Variants in RASGRF2 observed in about 807,000 individuals in gnomAD.
RASGRF2 encodes Ras protein specific guanine nucleotide releasing factor 2.
RASGRF2 carries 76 observed loss-of-function variants against 151.0 expected under a neutral mutation model. The observed-to-expected ratio is 0.50, with a 90% CI of 0.42 to 0.61. The LOEUF (loss-of-function observed/expected upper bound fraction) is 0.61, where lower values mean the gene tolerates loss of function less well. Ranked by LOEUF, RASGRF2 falls within the 20% of genes least tolerant of loss-of-function variation. The pLI, the probability that RASGRF2 is intolerant of heterozygous loss-of-function variation, is 0.00. For synonymous variants in RASGRF2, 504 were observed against 566.5 expected, an observed-to-expected ratio of 0.89 and a Z score of 1.57; for missense variants, 1,148 against 1,564.6, an observed-to-expected ratio of 0.73 and a Z score of 4.49.
At chr5:81,012,569 G>C (rs1362342662) in intron 1 of RASGRF2, among the ~76,000 whole-genome samples, 1 of 152,108 alleles carries the variant, frequency 6.6e-6, no homozygotes, top group African/African-American at 2.4e-5. Flanking sequence ...CAGCTGTAGA[G>C]AGCTACCTTG....
chr5:81,053,692 A>G (rs1261006762), intron 2 of RASGRF2, among the ~76,000 whole-genome samples: 1 of 152,186 alleles, frequency 6.6e-6, no homozygotes, highest in East Asian at 1.9e-4. Context: ...ATCCCTGAGG[A>G]ATCGCCACAC....
At chr5:81,218,380 T>C (rs1755789855) in intron 25 of RASGRF2, among the ~76,000 whole-genome samples, 1 of 152,224 alleles carries the variant, frequency 6.6e-6, no homozygotes, top group South Asian at 2.1e-4. Context: ...TTGTATAAGG[T>C]GAGAGGTGAG....
At chr5:81,108,053 T>G (rs1192708917) in intron 12 of RASGRF2, among the ~76,000 whole-genome samples, 1 of 152,252 alleles carries the variant, frequency 6.6e-6, no homozygotes, top group African/African-American at 2.4e-5. Context: ...ATTAGAACAT[T>G]GGTGTTTAGG....
chr5:80,970,025 A>T (rs1747880462), intron 1 of RASGRF2, among the ~76,000 whole-genome samples: 2 of 150,786 alleles, frequency 1.3e-5, no homozygotes, highest in South Asian at 4.2e-4. Flanking sequence ...GGATTTCTCC[A>T]TGTTGGTCAG....
At chr5:81,146,517 T>C (rs183399875) in intron 17 of RASGRF2, among the ~76,000 whole-genome samples, 18 of 150,614 alleles carry the variant, frequency 1.2e-4, no homozygotes, top group African/African-American at 4.4e-4. Flanking sequence ...AAATTCCTCA[T>C]TGGTAGGAAA....
At chr5:81,110,580 T>C (rs1752966434) in intron 13 of RASGRF2, among the ~76,000 whole-genome samples, 1 of 152,194 alleles carries the variant, frequency 6.6e-6, no homozygotes, top group African/African-American at 2.4e-5. Flanking sequence ...AAACTACAAA[T>C]AGAATGTGAA....
intron 1 of RASGRF2, among the ~76,000 whole-genome samples, chr5:80,990,014 C>A (rs1245547227): frequency 6.6e-6 from 1 of 152,106 alleles, no homozygotes; most frequent in South Asian, 2.1e-4. Flanking sequence ...TTCTCCCCAC[C>A]ACCTACCTTA....
chr5:80,996,505 C>CTTCTTCTTCCTCCTCT (rs56082157), intron 1 of RASGRF2, among the ~76,000 whole-genome samples: 2 of 47,764 alleles, frequency 4.2e-5, no homozygotes, highest in African/African-American at 2.0e-4. Flanking sequence ...CTTCTTCTTC[C>CTTCTTCTTCCTCCTCT]TCCTCCTCCT....
intron 18 of RASGRF2, among the ~76,000 whole-genome samples, chr5:81,191,403 A>C (rs1272964913): frequency 2.0e-5 from 3 of 152,116 alleles, no homozygotes; most frequent in Non-Finnish European, 1.5e-5. Flanking sequence ...TGCACCCACC[A>C]GCTTTCTTTG....
At chr5:81,084,273 A>G (rs1752165577) in intron 7 of RASGRF2, among the ~76,000 whole-genome samples, 1 of 152,188 alleles carries the variant, frequency 6.6e-6, no homozygotes, top group African/African-American at 2.4e-5. Flanking sequence ...TACATTAGCT[A>G]TTGATTGCCT....
In RASGRF2 at chr5:81,126,252, G is replaced by A. The variant is rs553798755; in HGVS notation, c.2597-822G>A. Among the ~76,000 whole-genome samples, 38 of 152,278 alleles carry A rather than the reference G, an allele frequency of 2.5e-4. 1 individual carries two copies. Among genetic ancestry groups the A allele is most frequent in the South Asian group, 2.1e-4 (1 of 4,830 alleles). Reference sequence around the variant, plus strand: ...GCAAGGTTGCTCAATACATCCTTTCGATTTTAAAAGGGCCACACTTAAACC... The same window carrying A: ...GCAAGGTTGCTCAATACATCCTTTCAATTTTAAAAGGGCCACACTTAAACC... On this transcript the variant is annotated intron_variant, in intron 16 of 26. Coordinates refer to ENST00000265080, the MANE Select transcript of RASGRF2 (RefSeq NM_006909.3).
At chr5:80,981,680 C>T (rs2112239872) in intron 1 of RASGRF2, among the ~76,000 whole-genome samples, 1 of 152,224 alleles carries the variant, frequency 6.6e-6, no homozygotes, top group Non-Finnish European at 1.5e-5. Context: ...ATTCTCATGC[C>T]TCAGCCCCCT....
chr5:81,210,729 G>C (rs1457698084), intron 22 of RASGRF2, among the ~76,000 whole-genome samples: 3 of 152,120 alleles, frequency 2.0e-5, no homozygotes, highest in African/African-American at 4.8e-5. Context: ...TGTCATACAA[G>C]AGCACAGCCC....
chr5:81,178,790 G>C (rs745573021), intron 17 of RASGRF2, among the ~76,000 whole-genome samples: 2 of 152,202 alleles, frequency 1.3e-5, no homozygotes, highest in Non-Finnish European at 1.5e-5. Context: ...CCATGCTGGA[G>C]TGCAGTGGCG....
At chr5:81,012,970 G>T (rs190315121) in intron 1 of RASGRF2, among the ~76,000 whole-genome samples, 6 of 152,170 alleles carry the variant, frequency 3.9e-5, no homozygotes, top group African/African-American at 1.4e-4. Flanking sequence ...GGGATTGGAA[G>T]GAAAGGGACT....
chr5:80,986,723 A>G (rs1580169761), intron 1 of RASGRF2, among the ~76,000 whole-genome samples: 1 of 152,202 alleles, frequency 6.6e-6, no homozygotes. Context: ...CATCTTGCTC[A>G]TCACTGCTTG....
At chr5:81,052,946 T>C (rs183801988) in intron 2 of RASGRF2, among the ~76,000 whole-genome samples, 149 of 152,228 alleles carry the variant, frequency 9.8e-4, no homozygotes, top group African/African-American at 3.4e-3. Context: ...TTATTCTAAG[T>C]AGTCTTTATT....
At chr5:81,174,724 CA>C (rs1307593439) in intron 17 of RASGRF2, among the ~76,000 whole-genome samples, 1 of 152,162 alleles carries the variant, frequency 6.6e-6, no homozygotes, top group Non-Finnish European at 1.5e-5. Context: ...CTCTGGTCCA[CA>C]TAATTGTCAC....
Position 81,053,372 on chromosome 5 carries a change from G to A in RASGRF2, c.395+10389G>A, listed in dbSNP as rs372396553. Among the ~76,000 whole-genome samples, 11 of 148,258 alleles carry A rather than the reference G, an allele frequency of 7.4e-5. No individual in the cohort carries two copies. In the East Asian group the frequency reaches 1.8e-3, roughly 24 times the overall value. On this transcript the variant is annotated intron_variant, in intron 2 of 26. Coordinates refer to ENST00000265080, the MANE Select transcript of RASGRF2 (RefSeq NM_006909.3). Reference sequence around the variant, plus strand: ...TTCCCACCTATGAGTGAGAACATGCGGTGTTTGGTTTTTTGCTCTTGCGAT... The same window carrying A: ...TTCCCACCTATGAGTGAGAACATGCAGTGTTTGGTTTTTTGCTCTTGCGAT...
Sources: allele counts gnomAD v4.1 joint callset (sites outside exome capture counted in the v4.1 genomes callset), GRCh38; gene constraint gnomAD v4.1.1; transcripts MANE v1.5; gene names NCBI Gene and HGNC (gene_info 2026-07-23, HGNC 2026-07-21).